The following NEK10 variants were observed in gnomAD, a reference collection of about 807,000 sequenced individuals.
NEK10 encodes the protein serine/threonine-protein kinase Nek10.
In NEK10, 122 loss-of-function variants were observed where a neutral mutation model predicts 159.8. The observed-to-expected ratio is 0.76, with a 90% CI of 0.66 to 0.89. The LOEUF (loss-of-function observed/expected upper bound fraction) is 0.89, where lower values mean the gene tolerates loss of function less well. Among genes scored for constraint, NEK10 ranks in the 40% least tolerant of loss-of-function variants. The pLI is 0.00. For synonymous variants in NEK10, 466 were observed against 457.1 expected, an observed-to-expected ratio of 1.02 and a Z score of -0.25; for missense variants, 1,342 against 1,323.1, an observed-to-expected ratio of 1.01 and a Z score of -0.22.
chr3:27,210,239 T>C (rs1189559915), intron 23 of NEK10, among the ~76,000 whole-genome samples: 2 of 152,098 alleles, frequency 1.3e-5, no homozygotes, highest in African/African-American at 4.8e-5. Flanking sequence ...GTGAGGGCCC[T>C]CTTGCTGGTG....
At chr3:27,264,736 G>A (rs6790036) in intron 22 of NEK10, among the ~76,000 whole-genome samples, 39,058 of 151,590 alleles carry the variant, frequency 0.26, 5,191 homozygotes, top group Middle Eastern at 0.38. Context: ...TACTAAAAAT[G>A]CAAAAAAATT....
At chr3:27,334,434 G>C (rs1167498027) in intron 5 of NEK10, among the ~76,000 whole-genome samples, 1 of 152,160 alleles carries the variant, frequency 6.6e-6, no homozygotes, top group Non-Finnish European at 1.5e-5. Context: ...CCCAAGAATA[G>C]ACCCAACTGG....
chr3:27,264,851 A>T (rs2040748847), intron 22 of NEK10, among the ~76,000 whole-genome samples: 1 of 151,968 alleles, frequency 6.6e-6, no homozygotes, highest in Non-Finnish European at 1.5e-5. Flanking sequence ...CCAAGATCAC[A>T]TCACTGCACT....
chr3:27,331,262 A>AAAAAACAC, intron 5 of NEK10, among the ~76,000 whole-genome samples: 4 of 110,078 alleles, frequency 3.6e-5, no homozygotes, highest in African/African-American at 8.7e-5. Context: ...AAAAAAAAAA[A>AAAAAACAC]ACACACAAAC....
At chr3:27,218,726 G>A (rs535730513) in intron 23 of NEK10, among the ~76,000 whole-genome samples, 1 of 101,244 alleles carries the variant, frequency 9.9e-6, no homozygotes, top group Non-Finnish European at 2.0e-5. Context: ...CATATTAACA[G>A]AATGAAGTCT....
chr3:27,151,512 T>C (rs2148745852), intron 30 of NEK10, among the ~76,000 whole-genome samples: 1 of 152,178 alleles, frequency 6.6e-6, no homozygotes, highest in African/African-American at 2.4e-5. Context: ...ACAACAGCCT[T>C]TAGCCCTAGA....
intron 14 of NEK10, among the ~76,000 whole-genome samples, chr3:27,296,853 G>A (rs557056370): frequency 6.6e-6 from 1 of 152,208 alleles, no homozygotes; most frequent in African/African-American, 2.4e-5. Context: ...AATGATTGCT[G>A]TCCTTACCTT....
At chr3:27,112,495 AC>A (rs1939720071) in intron 35 of NEK10, among the ~76,000 whole-genome samples, 2 of 152,206 alleles carry the variant, frequency 1.3e-5, no homozygotes, top group Admixed American at 6.5e-5. Flanking sequence ...GACAATGATG[AC>A]CATGTCAATG....
intron 13 of NEK10, 99 bp from the exon 14 acceptor site, chr3:27,297,339 A>C (rs1398396167): frequency 1.3e-6 from 1 of 785,238 alleles, no homozygotes; most frequent in Non-Finnish European, 2.1e-6. Context: ...TTATTTTGCT[A>C]TTTTTATTAG....
intron 23 of NEK10, among the ~76,000 whole-genome samples, chr3:27,254,027 C>A (rs1347007449): frequency 6.6e-6 from 1 of 152,032 alleles, no homozygotes; most frequent in Non-Finnish European, 1.5e-5. Context: ...TGAGGGCTCC[C>A]CCTTGTGATT....
intron 23 of NEK10, among the ~76,000 whole-genome samples, chr3:27,247,284 T>C (rs557328503): frequency 6.6e-6 from 1 of 152,126 alleles, no homozygotes; most frequent in Admixed American, 6.5e-5. Context: ...TTTTTTTATG[T>C]TGAGGTATGT....
In NEK10 at chr3:27,135,406, G is replaced by C. The variant is rs1457063088; in HGVS notation, c.2971-3416C>G. 1.2e-4 allele frequency among the ~76,000 whole-genome samples: 19 copies of C among 152,132 alleles called. 1 individual carries two copies. Among genetic ancestry groups the C allele is most frequent in the Admixed American group, 1.1e-3 (17 of 15,278 alleles). The stretch of plus-strand genomic sequence containing the variant: ...TCACACACCTAAAAGCTTGGTTTTT[G>C]TTTGCTTGTTTTTACTATACTACAC... On this transcript the variant is annotated intron_variant, in intron 31 of 35. Coordinates refer to ENST00000691995, the MANE Select transcript of NEK10 (RefSeq NM_001394966.1).
In NEK10 at chr3:27,107,985, A is replaced by G. The variant is rs1356756475; in HGVS notation, c.*3287T>C. On this transcript the variant is annotated 3_prime_UTR_variant, in exon 36 of 36. Coordinates refer to ENST00000691995, the MANE Select transcript of NEK10 (RefSeq NM_001394966.1). ...GGTTCTATGCATATTAATACTGATA[A>G]AATTCACTAGCCAATATTACAGTCT... 2.0e-5 allele frequency among the ~76,000 whole-genome samples: 3 copies of G among 152,200 alleles called. No individual in the cohort carries two copies. The highest frequency in any genetic ancestry group is 7.2e-5 in the African/African-American group (3 of 41,456).
intron 22 of NEK10, among the ~76,000 whole-genome samples, chr3:27,266,029 G>A (rs560062036): frequency 2.0e-5 from 3 of 151,798 alleles, no homozygotes; most frequent in South Asian, 2.1e-4. Flanking sequence ...GGATGGTCTC[G>A]ATCCTGACCT....
chr3:27,168,945 T>C (rs372093367), intron 29 of NEK10, among the ~76,000 whole-genome samples: 1 of 152,214 alleles, frequency 6.6e-6, no homozygotes, highest in South Asian at 2.1e-4. Flanking sequence ...CAATTTGTTA[T>C]AAAGTATTTA....
At chr3:27,342,330 G>T (rs991844143) in intron 5 of NEK10, among the ~76,000 whole-genome samples, 1 of 152,068 alleles carries the variant, frequency 6.6e-6, no homozygotes, top group Non-Finnish European at 1.5e-5. Context: ...AAAAAAGGAG[G>T]GATGATCCTG....
intron 30 of NEK10, among the ~76,000 whole-genome samples, chr3:27,159,414 C>T (rs995794815): frequency 5.3e-5 from 8 of 151,966 alleles, no homozygotes; most frequent in African/African-American, 1.9e-4. Flanking sequence ...TTGAGTTAGT[C>T]GATGTAAAGA....
rs754409501 is a variant in NEK10 at position 27,293,555 on chromosome 3, C to T, written c.1373+33G>A. 4 of 1,171,978 alleles carry T rather than the reference C, an allele frequency of 3.4e-6. No homozygotes were observed. The South Asian group carries it at 5.4e-5, about 16-fold the overall frequency. The allele number at this position is 1,171,978 out of a possible 1,614,324, so 72.6% of individuals were successfully genotyped here. A position where few individuals can be genotyped will look rare whatever the true frequency, so the allele number is the denominator to read the frequency against. On this transcript the variant is annotated intron_variant, in intron 16 of 35. Transcript: ENST00000691995. ...AGTTCAATCTAATGATCTCCTAAAC[C>T]TAATGATCACTTATATTTCTCTAAC...
At chr3:27,352,399 A>G in intron 3 of NEK10, 66 bp downstream of exon 3, 1 of 1,005,930 alleles carries the variant, frequency 9.9e-7, no homozygotes, top group South Asian at 1.3e-5. Context: ...GATATGTTAA[A>G]TGGAGCCCTT....
Sources: allele counts gnomAD v4.1 joint callset (sites outside exome capture counted in the v4.1 genomes callset), GRCh38; gene constraint gnomAD v4.1.1; transcripts MANE v1.5; gene names NCBI Gene and HGNC (gene_info 2026-07-23, HGNC 2026-07-21).